The following PCDH9 variants were observed in gnomAD, a reference collection of about 807,000 sequenced individuals.
The protein encoded by PCDH9 is protocadherin-9.
Under a neutral mutation model 70.6 loss-of-function variants are expected in PCDH9, and 24 were observed. That is an observed-to-expected ratio of 0.34 (90% CI 0.25 to 0.48). The LOEUF (loss-of-function observed/expected upper bound fraction) is 0.48, where lower values mean the gene tolerates loss of function less well. PCDH9 is among the 20% of genes least tolerant of loss of function. The pLI is 0.99. For synonymous variants in PCDH9, 562 were observed against 558.5 expected, an observed-to-expected ratio of 1.01 and a Z score of -0.09; for missense variants, 1,281 against 1,503.6, an observed-to-expected ratio of 0.85 and a Z score of 2.45.
At chr13:67,003,161 A>G (rs1304855100) in intron 2 of PCDH9, among the ~76,000 whole-genome samples, 2 of 152,152 alleles carry the variant, frequency 1.3e-5, no homozygotes, top group Non-Finnish European at 2.9e-5. Flanking sequence ...AATTGTATAC[A>G]CATATACATA....
chr13:67,224,664 T>C (rs1475675324), intron 2 of PCDH9: 2 of 266,594 alleles, frequency 7.5e-6, no homozygotes, highest in African/African-American at 2.3e-5. Context: ...ATTACTAAGA[T>C]GAGAGAATAT....
In PCDH9 at chr13:66,908,531, T is replaced by C. The variant is rs562353893; in HGVS notation, c.3037-4926A>G. Among the ~76,000 whole-genome samples the C allele has an allele frequency of 3.4e-4, 52 of 152,296 alleles. 1 individual carries two copies. Among genetic ancestry groups the C allele is most frequent in the Admixed American group, 3.2e-3 (49 of 15,304 alleles). On this transcript the variant is annotated intron_variant, in intron 2 of 4. Transcript: ENST00000377865. ...CTTCTATTCATAAGATAAGAAAAGA[T>C]CTCTTAGAACACCCCCAATCATTAT... is the stretch of plus-strand genomic sequence containing the variant.
intron 4 of PCDH9, among the ~76,000 whole-genome samples, chr13:66,615,392 C>T (rs1054827216): frequency 7.9e-5 from 12 of 152,248 alleles, no homozygotes; most frequent in Admixed American, 7.2e-4. Flanking sequence ...TGAGTATATG[C>T]TATCAATCAT....
chr13:66,603,781 T>C (rs995026901), intron 4 of PCDH9, among the ~76,000 whole-genome samples: 3 of 152,022 alleles, frequency 2.0e-5, no homozygotes, highest in Admixed American at 1.3e-4. Context: ...GTGTGTATAA[T>C]TGTTCCCATT....
chr13:67,128,413 A>C (rs1400019524), intron 2 of PCDH9, among the ~76,000 whole-genome samples: 8 of 152,232 alleles, frequency 5.3e-5, no homozygotes. Context: ...TTACAAGCCC[A>C]TGCTGAAAAG....
intron 4 of PCDH9, among the ~76,000 whole-genome samples, chr13:66,336,434 C>G (rs1343446690): frequency 6.6e-6 from 1 of 151,374 alleles, no homozygotes; most frequent in Non-Finnish European, 1.5e-5. Context: ...ATGATGTCAC[C>G]CTCTAAAAAT....
intron 2 of PCDH9, among the ~76,000 whole-genome samples, chr13:67,000,244 A>G (rs9529162): frequency 2.7e-5 from 4 of 150,692 alleles, no homozygotes; most frequent in Admixed American, 6.6e-5. Context: ...AAAAAACCAA[A>G]CACTGCATAT....
chr13:66,794,520 G>A (rs528014380), intron 3 of PCDH9, among the ~76,000 whole-genome samples: 1 of 152,234 alleles, frequency 6.6e-6, no homozygotes, highest in East Asian at 1.9e-4. Context: ...GACGCAGCCT[G>A]CACATTTATA....
chr13:66,756,742 T>C (rs2079543409), intron 3 of PCDH9, among the ~76,000 whole-genome samples: 1 of 152,184 alleles, frequency 6.6e-6, no homozygotes, highest in Non-Finnish European at 1.5e-5. Flanking sequence ...TATTTTACAA[T>C]AATGGAATTG....
At chr13:66,477,186 T>C (rs1356279930) in intron 4 of PCDH9, among the ~76,000 whole-genome samples, 1 of 152,160 alleles carries the variant, frequency 6.6e-6, no homozygotes, top group Non-Finnish European at 1.5e-5. Flanking sequence ...GAAAGTTTTG[T>C]TAAAAGCATG....
intron 4 of PCDH9, among the ~76,000 whole-genome samples, chr13:66,618,245 G>C (rs1240701096): frequency 1.3e-5 from 2 of 152,166 alleles, no homozygotes; most frequent in Non-Finnish European, 2.9e-5. Context: ...CTCATCTTTA[G>C]CTGAAGTAAG....
intron 2 of PCDH9, among the ~76,000 whole-genome samples, chr13:67,000,833 A>C (rs1434171036): frequency 6.6e-6 from 1 of 152,214 alleles, no homozygotes; most frequent in Non-Finnish European, 1.5e-5. Context: ...AAATAGTGTA[A>C]AGCTAAGAGA....
At chr13:66,752,684 A>G (rs1191589442) in intron 3 of PCDH9, among the ~76,000 whole-genome samples, 1 of 152,204 alleles carries the variant, frequency 6.6e-6, no homozygotes, top group Non-Finnish European at 1.5e-5. Flanking sequence ...AGAATTAACC[A>G]GAGAGAGTGA....
intron 2 of PCDH9, among the ~76,000 whole-genome samples, chr13:67,079,265 G>A (rs1459121340): frequency 6.6e-6 from 1 of 151,738 alleles, no homozygotes; most frequent in Non-Finnish European, 1.5e-5. Flanking sequence ...AAAAAGAAAA[G>A]GTACATTAAA....
intron 4 of PCDH9, among the ~76,000 whole-genome samples, chr13:66,559,827 T>TACACAC (rs1373679479): frequency 1.7e-5 from 2 of 118,080 alleles, no homozygotes; most frequent in East Asian, 6.0e-4. Flanking sequence ...AATATATATA[T>TACACAC]ATATATACAC....
intron 3 of PCDH9, among the ~76,000 whole-genome samples, chr13:66,885,544 A>C (rs1261116931): frequency 6.6e-6 from 1 of 152,144 alleles, no homozygotes; most frequent in African/African-American, 2.4e-5. Context: ...AATATTTTTA[A>C]GATTTTGAAT....
intron 4 of PCDH9, among the ~76,000 whole-genome samples, chr13:66,564,413 C>A (rs12868544): frequency 0.34 from 51,968 of 151,804 alleles, 9,331 homozygotes; most frequent in African/African-American, 0.44. Context: ...TGATTCTCTC[C>A]CTTTGACCTC....
At chr13:66,827,348 A>G (rs1020006371) in intron 3 of PCDH9, among the ~76,000 whole-genome samples, 41 of 133,490 alleles carry the variant, frequency 3.1e-4, no homozygotes, top group African/African-American at 1.1e-3. Flanking sequence ...ATATTAATGC[A>G]GAGGAAAATG....
intron 4 of PCDH9, among the ~76,000 whole-genome samples, chr13:66,516,360 T>C (rs776415898): frequency 1.5e-4 from 23 of 152,054 alleles, no homozygotes; most frequent in Non-Finnish European, 3.1e-4. Context: ...CCTAGAAGCT[T>C]GGCCTTCATT....
Sources: gnomAD v4.1 joint callset for allele counts (sites outside exome capture counted in the v4.1 genomes callset) on GRCh38, gnomAD v4.1.1 for gene constraint, MANE v1.5 for transcripts, NCBI Gene and HGNC (gene_info 2026-07-23, HGNC 2026-07-21) for gene names.